Variants in FNDC3B observed in about 807,000 individuals in gnomAD.
FNDC3B encodes fibronectin type III domain containing 3B.
FNDC3B carries 12 observed loss-of-function variants against 151.5 expected under a neutral mutation model. That is an observed-to-expected ratio of 0.08 (90% CI 0.05 to 0.13). The LOEUF is 0.13. Among genes scored for constraint, FNDC3B ranks in the 10% least tolerant of loss-of-function variants. The pLI is 1.00. For missense variants in FNDC3B, 1,214 were observed against 1,505.3 expected (o/e 0.81, Z 3.20); for synonymous variants, 528 against 549.0 (o/e 0.96, Z 0.54).
intron 25 of FNDC3B, among the ~76,000 whole-genome samples, chr3:172,383,816 G>T (rs1467439875): frequency 6.6e-6 from 1 of 152,172 alleles, no homozygotes; most frequent in African/African-American, 2.4e-5. Flanking sequence ...GACTCTGAAG[G>T]ATTTAGATAC....
chr3:172,322,004 C>A (rs1264429390), intron 11 of FNDC3B, among the ~76,000 whole-genome samples: 1 of 152,224 alleles, frequency 6.6e-6, no homozygotes, highest in East Asian at 1.9e-4. Flanking sequence ...GGTAAAACTT[C>A]ATGCTATAAA....
chr3:172,367,354 A>G (rs627233), intron 23 of FNDC3B, among the ~76,000 whole-genome samples: 144,911 of 152,118 alleles, frequency 0.95, 69,117 homozygotes, highest in East Asian at 1. Context: ...TTATCTTGCT[A>G]AGGGAGATAA....
At chr3:172,267,215 G>A (rs1728969013) in intron 6 of FNDC3B, among the ~76,000 whole-genome samples, 1 of 151,756 alleles carries the variant, frequency 6.6e-6, no homozygotes, top group Non-Finnish European at 1.5e-5. Flanking sequence ...GAGTGCAGTG[G>A]TGTGATCTTG....
intron 3 of FNDC3B, among the ~76,000 whole-genome samples, chr3:172,158,791 T>C (rs1005470728): frequency 2.6e-5 from 4 of 152,202 alleles, no homozygotes; most frequent in African/African-American, 9.7e-5. Flanking sequence ...CTATGATTAA[T>C]TGTGAGTAAA....
intron 1 of FNDC3B, among the ~76,000 whole-genome samples, chr3:172,064,630 A>T (rs189295669): frequency 3.9e-5 from 6 of 152,368 alleles, no homozygotes; most frequent in African/African-American, 1.4e-4. Context: ...TTTCTTTGAA[A>T]TGTAGGAAGT....
At chr3:172,275,374 C>T (rs1364874609) in intron 6 of FNDC3B, among the ~76,000 whole-genome samples, 2 of 152,144 alleles carry the variant, frequency 1.3e-5, no homozygotes, top group Non-Finnish European at 2.9e-5. Flanking sequence ...AAGGGCAGCT[C>T]ATTTGGACAA....
At chr3:172,342,385 A>T (rs1341377284) in intron 17 of FNDC3B, among the ~76,000 whole-genome samples, 2 of 152,194 alleles carry the variant, frequency 1.3e-5, no homozygotes, top group Non-Finnish European at 2.9e-5. Flanking sequence ...CATAGAGTTC[A>T]TTTCCTCTGT....
intron 1 of FNDC3B, among the ~76,000 whole-genome samples, chr3:172,111,819 T>A (rs987364782): frequency 2.6e-5 from 4 of 152,238 alleles, no homozygotes; most frequent in Non-Finnish European, 5.9e-5. Context: ...ATTTGAAATT[T>A]TGGGGACTCT....
chr3:172,162,423 G>C (rs959373295), intron 3 of FNDC3B, among the ~76,000 whole-genome samples: 2 of 151,918 alleles, frequency 1.3e-5, no homozygotes, highest in African/African-American at 4.8e-5. Context: ...CCCCTTTTTG[G>C]CTATTAATAC....
At chr3:172,335,748 T>C (rs1361562071) in intron 15 of FNDC3B, 2 of 152,312 alleles carry the variant, frequency 1.3e-5, no homozygotes, top group East Asian at 3.9e-4. Flanking sequence ...ACAATTAATA[T>C]GTAAAAGTGT....
rs1021863462 is a variant in FNDC3B at position 172,381,695 on chromosome 3, C to T, written c.3303+602C>T. ...CCCATATGTTCTCATTGTTCAACTCCCACTTATGAGTGAGAACCTGCGGTG... is the reference window on the plus strand; with the variant it reads ...CCCATATGTTCTCATTGTTCAACTCTCACTTATGAGTGAGAACCTGCGGTG... On this transcript the variant is annotated intron_variant, in intron 25 of 25. Coordinates refer to ENST00000415807, the MANE Select transcript of FNDC3B (RefSeq NM_022763.4). Among the ~76,000 whole-genome samples the T allele has an allele frequency of 3.4e-4, 51 of 151,920 alleles. 2 individuals carry two copies. The highest frequency in any genetic ancestry group is 6.5e-4 in the Admixed American group (10 of 15,270).
rs368981420 is a variant in FNDC3B at position 172,294,192 on chromosome 3, A to G, written c.850-1171A>G. On this transcript the variant is annotated intron_variant, in intron 7 of 25. Coordinates refer to ENST00000415807, the MANE Select transcript of FNDC3B (RefSeq NM_022763.4). Reference sequence around the variant, plus strand: ...TTGAGTGCAAATAGTTTATGTGGGGATGTGATCCAGGAAGCCCTGGTTAGA... The same window carrying G: ...TTGAGTGCAAATAGTTTATGTGGGGGTGTGATCCAGGAAGCCCTGGTTAGA... Among the ~76,000 whole-genome samples, 215 of 152,316 alleles carry G rather than the reference A, an allele frequency of 1.4e-3. 1 individual carries two copies. Among genetic ancestry groups the G allele is most frequent in the African/African-American group, 4.9e-3 (203 of 41,562 alleles).
At chr3:172,360,665 A>G (rs1348048725) in intron 22 of FNDC3B, among the ~76,000 whole-genome samples, 2 of 152,256 alleles carry the variant, frequency 1.3e-5, no homozygotes, top group Middle Eastern at 3.4e-3. Context: ...CAATTATTTC[A>G]ACACCATTTG....
chr3:172,136,380 G>A (rs7616583), intron 3 of FNDC3B, among the ~76,000 whole-genome samples: 21,947 of 152,194 alleles, frequency 0.14, 1,911 homozygotes, highest in East Asian at 0.29. Flanking sequence ...GTGATGCAGG[G>A]AGTATTGGTT....
chr3:172,149,879 C>T (rs931012071), intron 3 of FNDC3B, among the ~76,000 whole-genome samples: 14 of 117,414 alleles, frequency 1.2e-4, no homozygotes, highest in African/African-American at 4.2e-4. Context: ...AGTACAGTGG[C>T]ATGATCTCAG....
chr3:172,362,550 TA>T, intron 22 of FNDC3B, 82 bp from the exon 23 acceptor site: 1 of 1,036,682 alleles, frequency 9.6e-7, no homozygotes, highest in Non-Finnish European at 1.5e-6. Flanking sequence ...AAGTAATAAA[TA>T]CTATGCTCAA....
Position 172,397,503 on chromosome 3 carries a change from A to G in FNDC3B, c.*28A>G. The G allele has an allele frequency of 7.1e-7, 1 of 1,411,172 alleles. No homozygotes were observed. The highest frequency in any genetic ancestry group is 9.7e-7 in the Non-Finnish European group (1 of 1,034,408). The allele number at this position is 1,411,172 out of a possible 1,614,324, so 87.4% of individuals were successfully genotyped here. A position where few individuals can be genotyped will look rare whatever the true frequency, so the allele number is the denominator to read the frequency against. ...CCAACAAAACTAGAGGTATGAATTA[A>G]TGCTACACATTTTAATACACACATT... On this transcript the variant is annotated 3_prime_UTR_variant, in exon 26 of 26. Coordinates refer to ENST00000415807, the MANE Select transcript of FNDC3B (RefSeq NM_022763.4).
At chr3:172,115,424 GC>G (rs1159629109) in intron 2 of FNDC3B, among the ~76,000 whole-genome samples, 1 of 152,190 alleles carries the variant, frequency 6.6e-6, no homozygotes, top group Non-Finnish European at 1.5e-5. Context: ...AGAGTGTGGG[GC>G]TGCATGAGTT....
At chr3:172,350,885 T>G (rs1177160518) in intron 21 of FNDC3B, among the ~76,000 whole-genome samples, 1 of 152,198 alleles carries the variant, frequency 6.6e-6, no homozygotes, top group Non-Finnish European at 1.5e-5. Flanking sequence ...ACTCCTTTAG[T>G]TTTGTAATTC....
Sources: gnomAD v4.1 joint callset for allele counts (sites outside exome capture counted in the v4.1 genomes callset) on GRCh38, gnomAD v4.1.1 for gene constraint, MANE v1.5 for transcripts, NCBI Gene and HGNC (gene_info 2026-07-23, HGNC 2026-07-21) for gene names.